The following ACSL4 variants were observed in gnomAD, a reference collection of about 807,000 sequenced individuals.
The protein encoded by ACSL4 is acyl-CoA synthetase long chain family member 4.
A neutral mutation model predicts 49.1 loss-of-function variants in ACSL4; 9 were observed. That is an observed-to-expected ratio of 0.18 (90% CI 0.11 to 0.32). ACSL4 has a LOEUF of 0.32. Among genes scored for constraint, ACSL4 ranks in the 10% least tolerant of loss-of-function variants. ACSL4 has a pLI of 1.00. For synonymous variants in ACSL4, 191 were observed against 170.3 expected (o/e 1.12, Z -0.95); for missense variants, 333 against 493.7 (o/e 0.67, Z 3.08).
intron 1 of ACSL4, among the ~76,000 whole-genome samples, chrX:109,703,458 A>AT (rs916813434): frequency 2.7e-5 from 3 of 111,218 alleles, no homozygotes; most frequent in Non-Finnish European, 5.7e-5. Context: ...TCTAAAATTT[A>AT]TTTTTTTTAA....
At chrX:109,682,965 A>C in intron 3 of ACSL4, 69 bp from the exon 4 acceptor site, 1 of 1,101,848 alleles carries the variant, frequency 9.1e-7, no homozygotes, top group Non-Finnish European at 1.2e-6. Context: ...TCCAAAGCAT[A>C]AAACTCTAAA....
chrX:109,683,623 C>T, intron 2 of ACSL4: 1 of 482,393 alleles, frequency 2.1e-6, no homozygotes, highest in South Asian at 3.4e-5. Flanking sequence ...CTTAGTGATA[C>T]AGATAAAAGT....
intron 1 of ACSL4, among the ~76,000 whole-genome samples, chrX:109,696,964 A>G (rs930827394): frequency 1.8e-5 from 2 of 112,056 alleles, no homozygotes; most frequent in Non-Finnish European, 3.8e-5. Context: ...GGATCACCAG[A>G]GTCTGGGAGG....
Position 109,681,385 on chromosome X carries a change from A to G in ACSL4, c.407-10T>C. 1 of 1,102,551 alleles carries G rather than the reference A, an allele frequency of 9.1e-7. No individual in the cohort carries two copies. The highest frequency in any genetic ancestry group is 1.3e-6 in the Non-Finnish European group (1 of 799,131). 90.9% of individuals were successfully genotyped at this position (1,102,551 alleles called of 1,213,427 possible). On this transcript the variant is annotated splice_polypyrimidine_tract_variant and intron_variant, in intron 4 of 15. Coordinates refer to ENST00000672401, the MANE Select transcript of ACSL4 (RefSeq NM_001318510.2). The stretch of plus-strand genomic sequence containing the variant: ...GCATATAAAGTCACAACTACATAAT[A>G]AAAATAAACACAAATATTAAGTAAT...
chrX:109,664,228 C>A (rs1001465824), intron 12 of ACSL4, among the ~76,000 whole-genome samples: 3 of 110,995 alleles, frequency 2.7e-5, no homozygotes, highest in African/African-American at 9.8e-5. Flanking sequence ...AAGGAAAACT[C>A]CAAATACATG....
At chrX:109,659,888 A>G (rs1362726911) in intron 14 of ACSL4, among the ~76,000 whole-genome samples, 3 of 111,496 alleles carry the variant, frequency 2.7e-5, no homozygotes, top group Non-Finnish European at 5.7e-5. Flanking sequence ...TCAAAAATCT[A>G]AACATCGAAG....
chrX:109,669,106 G>C lies in ACSL4; in HGVS notation c.1070C>G (p.Thr357Ser), dbSNP rs754071672. Residue 357 changes from threonine (T) to serine (S), a missense_variant, in exon 10 of 16, where the codon ACT becomes AGT. Thr to Ser is a moderately conservative substitution (Grantham distance 58). This residue lies in a region of ACSL4 where 175 missense variants were observed against 275.8 expected (regional missense o/e 0.63). Coordinates refer to ENST00000672401, the MANE Select transcript of ACSL4 (RefSeq NM_001318510.2). ...GTAATCATACCCTATCTTGAACAGA[G>C]TTTTCTGAATATAATTCATCTCTTG... ...KVQEMNYIQK[T>S]LFKIGYDYKL... The C allele has an allele frequency of 7.6e-6, 9 of 1,178,151 alleles. No individual in the cohort carries two copies. The South Asian group carries it at 1.4e-4, about 19-fold the overall frequency.
chrX:109,683,089 G>C, intron 3 of ACSL4, 47 bp downstream of exon 3: 3 of 1,149,696 alleles, frequency 2.6e-6, no homozygotes, highest in Non-Finnish European at 3.6e-6. Context: ...TAAAACAAAT[G>C]TGTCTTCCTC....
At chrX:109,704,228 G>A (rs1926180702) in intron 1 of ACSL4, among the ~76,000 whole-genome samples, 1 of 111,490 alleles carries the variant, frequency 9.0e-6, no homozygotes, top group South Asian at 3.7e-4. Context: ...TAAATATGCA[G>A]TATTCTGATA....
chrX:109,713,672 T>G (rs1255809307), intron 1 of ACSL4, among the ~76,000 whole-genome samples: 1 of 111,978 alleles, frequency 8.9e-6, no homozygotes, highest in Non-Finnish European at 1.9e-5. Context: ...AGTGTCATAT[T>G]TCTCATTTGT....
chrX:109,689,755 A>T (rs916719901), intron 2 of ACSL4, among the ~76,000 whole-genome samples: 3 of 110,657 alleles, frequency 2.7e-5, no homozygotes, highest in African/African-American at 9.9e-5. Flanking sequence ...TACTTGCGTT[A>T]TTTTTTTCCT....
At chrX:109,650,986 A>G (rs764809832) in intron 15 of ACSL4, among the ~76,000 whole-genome samples, 20 of 112,384 alleles carry the variant, frequency 1.8e-4, no homozygotes, top group African/African-American at 3.5e-4. Context: ...TGTGAATTTC[A>G]TATCTTTAAA....
At chrX:109,695,349 C>CAA (rs34826689) in intron 2 of ACSL4, among the ~76,000 whole-genome samples, 8 of 94,514 alleles carry the variant, frequency 8.5e-5, no homozygotes, top group East Asian at 3.4e-4. Flanking sequence ...CATCTTGGGG[C>CAA]AAAAAAAAAA....
intron 15 of ACSL4, among the ~76,000 whole-genome samples, chrX:109,655,303 A>G (rs1220064994): frequency 9.0e-6 from 1 of 111,218 alleles, no homozygotes; most frequent in Non-Finnish European, 1.9e-5. Flanking sequence ...GAGGAATAAG[A>G]GACAATGCAT....
At chrX:109,670,942 G>A (rs1252239920) in intron 9 of ACSL4, among the ~76,000 whole-genome samples, 1 of 112,553 alleles carries the variant, frequency 8.9e-6, no homozygotes, top group Non-Finnish European at 1.9e-5. Context: ...TGTTGCCCAG[G>A]CTGGAGTGCA....
At chrX:109,713,395 A>G (rs941750716) in intron 1 of ACSL4, among the ~76,000 whole-genome samples, 1 of 112,068 alleles carries the variant, frequency 8.9e-6, no homozygotes, top group Non-Finnish European at 1.9e-5. Flanking sequence ...CTGGAAGGTA[A>G]GTTTGTCAAC....
intron 1 of ACSL4, among the ~76,000 whole-genome samples, chrX:109,698,122 G>A (rs1925597869): frequency 1.8e-5 from 2 of 111,441 alleles, no homozygotes; most frequent in Admixed American, 1.9e-4. Flanking sequence ...TGGCTGAGCA[G>A]GAGAAGCAAC....
chrX:109,713,640 A>G (rs2147522503), intron 1 of ACSL4, among the ~76,000 whole-genome samples: 1 of 111,973 alleles, frequency 8.9e-6, no homozygotes, highest in African/African-American at 3.2e-5. Context: ...TCACTGGCTT[A>G]TTGAGCCACT....
intron 1 of ACSL4, among the ~76,000 whole-genome samples, chrX:109,701,947 C>G (rs373832695): frequency 9.7e-6 from 1 of 102,589 alleles, no homozygotes; most frequent in Non-Finnish European, 2.0e-5. Flanking sequence ...TGGTGGCTCA[C>G]GCCTGTAATC....
Sources: gnomAD v4.1 joint callset for allele counts (sites outside exome capture counted in the v4.1 genomes callset) on GRCh38, gnomAD v4.1.1 for gene constraint, gnomAD v4.1.1 regional missense constraint, MANE v1.5 for transcripts, NCBI Gene and HGNC (gene_info 2026-07-23, HGNC 2026-07-21) for gene names.